The following PPARGC1A variants were observed in gnomAD, a reference collection of about 807,000 sequenced individuals.
PPARGC1A encodes the protein peroxisome proliferator-activated receptor gamma coactivator 1-alpha.
A neutral mutation model predicts 88.7 loss-of-function variants in PPARGC1A; 25 were observed. The observed-to-expected ratio is 0.28, with a 90% CI of 0.21 to 0.39. PPARGC1A has a LOEUF of 0.39. PPARGC1A is among the 10% of genes least tolerant of loss of function. PPARGC1A has a pLI of 1.00. For missense variants in PPARGC1A, 880 were observed against 968.7 expected (o/e 0.91, Z 1.22); for synonymous variants, 363 against 355.6 (o/e 1.02, Z -0.24).
At chr4:24,276,503 C>T in the PPARGC1A span, among the ~76,000 whole-genome samples, 1 of 152,120 alleles carries the variant, frequency 6.6e-6, no homozygotes, top group African/African-American at 2.4e-5. Flanking sequence ...TCTTGACTGC[C>T]TGTATTTTTA....
chr4:24,354,660 G>C, the PPARGC1A span, among the ~76,000 whole-genome samples: 1,034 of 152,262 alleles, frequency 6.8e-3, 24 homozygotes, highest in African/African-American at 0.023. Context: ...GCCAAGGCGT[G>C]TGGATCATGA....
chr4:24,337,827 C>T, the PPARGC1A span, among the ~76,000 whole-genome samples: 1 of 152,154 alleles, frequency 6.6e-6, no homozygotes, highest in Non-Finnish European at 1.5e-5. Context: ...ACCAAAAAGG[C>T]TCCATCAGCC....
chr4:24,362,521 GT>G, the PPARGC1A span, among the ~76,000 whole-genome samples: 5 of 151,524 alleles, frequency 3.3e-5, no homozygotes, highest in South Asian at 4.2e-4. Flanking sequence ...CAAAGGACTA[GT>G]TTTTTTTTCC....
chr4:23,942,323 C>G, the PPARGC1A span, among the ~76,000 whole-genome samples: 1 of 152,098 alleles, frequency 6.6e-6, no homozygotes, highest in Admixed American at 6.5e-5. Context: ...GACTTAGTAT[C>G]AATATTTAGA....
chr4:24,175,055 C>T, the PPARGC1A span, among the ~76,000 whole-genome samples: 1 of 152,182 alleles, frequency 6.6e-6, no homozygotes, highest in Admixed American at 6.5e-5. Flanking sequence ...AAAGTAACTA[C>T]TGCCTCCACA....
chr4:23,958,667 T>C, the PPARGC1A span, among the ~76,000 whole-genome samples: 1 of 152,110 alleles, frequency 6.6e-6, no homozygotes, highest in African/African-American at 2.4e-5. Flanking sequence ...GCTTTCTTTT[T>C]AAAACACTCA....
At chr4:23,924,465 A>C in the PPARGC1A span, among the ~76,000 whole-genome samples, 1 of 152,086 alleles carries the variant, frequency 6.6e-6, no homozygotes, top group Admixed American at 6.5e-5. Flanking sequence ...ATCTCTACTA[A>C]AAATACAAAA....
chr4:24,302,303 C>T, the PPARGC1A span, among the ~76,000 whole-genome samples: 1 of 152,192 alleles, frequency 6.6e-6, no homozygotes, highest in Non-Finnish European at 1.5e-5. Flanking sequence ...TCTTTGCTGG[C>T]ATACTGTATT....
the PPARGC1A span, among the ~76,000 whole-genome samples, chr4:24,138,881 T>C: frequency 3.3e-5 from 5 of 152,248 alleles, no homozygotes; most frequent in African/African-American, 1.2e-4. Flanking sequence ...ACTAGAGTAT[T>C]GATTTTGAGA....
the PPARGC1A span, among the ~76,000 whole-genome samples, chr4:24,331,787 T>TATA: frequency 1.1e-4 from 13 of 113,728 alleles, no homozygotes; most frequent in East Asian, 2.5e-4. Flanking sequence ...ATATATATAT[T>TATA]TTAAGTTCTG....
chr4:24,293,722 G>A, the PPARGC1A span, among the ~76,000 whole-genome samples: 1 of 147,390 alleles, frequency 6.8e-6, no homozygotes, highest in African/African-American at 2.5e-5. Context: ...AGCTTTCCTT[G>A]GGGCTTTTTA....
At chr4:24,307,777 C>T in the PPARGC1A span, among the ~76,000 whole-genome samples, 4 of 152,174 alleles carry the variant, frequency 2.6e-5, no homozygotes, top group African/African-American at 9.6e-5. Flanking sequence ...AGCTGACTCT[C>T]GAGCCCACCC....
chr4:24,439,621 G>A, the PPARGC1A span, among the ~76,000 whole-genome samples: 7 of 152,140 alleles, frequency 4.6e-5, no homozygotes, highest in African/African-American at 7.2e-5. Flanking sequence ...CTGCTTTCAC[G>A]TGAAAAAAAG....
At chr4:24,045,950 G>A in the PPARGC1A span, among the ~76,000 whole-genome samples, 1 of 152,124 alleles carries the variant, frequency 6.6e-6, no homozygotes, top group Non-Finnish European at 1.5e-5. Flanking sequence ...ATTTGTTTCT[G>A]GTGATGATGG....
chr4:24,187,362 A>G, the PPARGC1A span, among the ~76,000 whole-genome samples: 5 of 152,186 alleles, frequency 3.3e-5, no homozygotes, highest in Non-Finnish European at 5.9e-5. Context: ...GAATTTGGTA[A>G]TTTGCTCACA....
At chr4:24,189,050 A>G in the PPARGC1A span, among the ~76,000 whole-genome samples, 1 of 152,136 alleles carries the variant, frequency 6.6e-6, no homozygotes, top group South Asian at 2.1e-4. Flanking sequence ...AGTCACCAAA[A>G]GACAAACACT....
At chr4:23,951,080 T>C in the PPARGC1A span, among the ~76,000 whole-genome samples, 1 of 152,152 alleles carries the variant, frequency 6.6e-6, no homozygotes, top group African/African-American at 2.4e-5. Context: ...TGCCAGAGCC[T>C]GCACACTCTG....
At chr4:23,798,562 G>A (rs1718056205) in intron 12 of PPARGC1A, among the ~76,000 whole-genome samples, 1 of 152,100 alleles carries the variant, frequency 6.6e-6, no homozygotes, top group African/African-American at 2.4e-5. Context: ...TTCAGTTAAT[G>A]AATAATTTAT....
chr4:23,979,489 T>A, the PPARGC1A span, among the ~76,000 whole-genome samples: 1 of 152,178 alleles, frequency 6.6e-6, no homozygotes, highest in Non-Finnish European at 1.5e-5. Context: ...GCTTACAATT[T>A]GGGGGATGGA....
Sources: gnomAD v4.1 joint callset for allele counts (sites outside exome capture counted in the v4.1 genomes callset) on GRCh38, gnomAD v4.1.1 for gene constraint, MANE v1.5 for transcripts, NCBI Gene and HGNC (gene_info 2026-07-23, HGNC 2026-07-21) for gene names.